The following DYRK4 variants were observed in gnomAD, a reference collection of about 807,000 sequenced individuals.
The protein encoded by DYRK4 is dual specificity tyrosine-phosphorylation-regulated kinase 4.
In DYRK4, 64 loss-of-function variants were observed where a neutral mutation model predicts 68.3. That is an observed-to-expected ratio of 0.94 (90% CI 0.77 to 1.15). The LOEUF (loss-of-function observed/expected upper bound fraction) is 1.15. Among genes scored for constraint, DYRK4 ranks in the 50% most tolerant of loss-of-function variants. The pLI, the probability that DYRK4 is intolerant of heterozygous loss-of-function variation, is 0.00. For synonymous variants in DYRK4, 274 were observed against 289.9 expected (o/e 0.95, Z 0.56); for missense variants, 740 against 764.7 (o/e 0.97, Z 0.38).
rs1201244325 is a variant in DYRK4, at chr12:4,605,198, T to G, written c.1299+112T>G. The G allele has an allele frequency of 3.1e-6, 3 of 957,958 alleles. No homozygotes were observed. In the East Asian group the frequency reaches 8.1e-5, roughly 26 times the overall value. The allele number at this position is 957,958 out of a possible 1,614,324, so 59.3% of individuals were successfully genotyped here. A position where few individuals can be genotyped will look rare whatever the true frequency, so the allele number is the denominator to read the frequency against. On this transcript the variant is annotated intron_variant, in intron 11 of 14. Coordinates refer to ENST00000543431, the MANE Select transcript of DYRK4 (RefSeq NM_001394779.1). Reference sequence around the variant, plus strand: ...TGGCCTGCATACCTTGTTGTTGTTGTTGTTGTTGAGTATTCCCTAAAAGGA... The same window carrying G: ...TGGCCTGCATACCTTGTTGTTGTTGGTGTTGTTGAGTATTCCCTAAAAGGA...
chr12:4,608,483 G>GT (rs1279873170), intron 12 of DYRK4, among the ~76,000 whole-genome samples: 1 of 152,144 alleles, frequency 6.6e-6, no homozygotes, highest in African/African-American at 2.4e-5. Context: ...GGATAAAAGG[G>GT]TTTGGGTCAT....
At position 4,612,543 on chromosome 12, in the gene DYRK4, A is replaced by G. The variant is rs1945234579; in HGVS notation, c.1491A>G (p.Val497=). The G allele has an allele frequency of 6.2e-7, 1 of 1,613,790 alleles. No homozygotes were observed. The highest frequency in any genetic ancestry group is 1.7e-5 in the Admixed American group (1 of 59,988). The change falls in exon 14 of 15, where the codon GTA becomes GTG. Residue 497 remains valine, a splice_region_variant and synonymous_variant. Coordinates refer to ENST00000543431, the MANE Select transcript of DYRK4 (RefSeq NM_001394779.1). ...CATGTGGGGCTTTGTTGGGGTGCAG[A>G]TGGGAACCTTCTCTTCGCATGACCC... ...SFLDFLRRCL[V]WEPSLRMTPD... is the part of the protein sequence containing the mutation.
chr12:4,603,292 C>T, intron 10 of DYRK4: 1 of 891,928 alleles, frequency 1.1e-6, no homozygotes, highest in Non-Finnish European at 1.8e-6. Flanking sequence ...TCTCTTCCTT[C>T]TCACAAGCCA....
chr12:4,594,147 T>C (rs1330046240), intron 6 of DYRK4, among the ~76,000 whole-genome samples: 2 of 152,190 alleles, frequency 1.3e-5, no homozygotes, highest in African/African-American at 4.8e-5. Context: ...ATAAAAGCTA[T>C]AGGTCCTCAT....
At chr12:4,610,986 T>G (rs2074501069) in intron 13 of DYRK4, among the ~76,000 whole-genome samples, 1 of 152,254 alleles carries the variant, frequency 6.6e-6, no homozygotes, top group Non-Finnish European at 1.5e-5. Flanking sequence ...ATTATCCATG[T>G]GATACTTGGC....
At chr12:4,593,763 C>G (rs757598513) in intron 6 of DYRK4, among the ~76,000 whole-genome samples, 2 of 152,198 alleles carry the variant, frequency 1.3e-5, no homozygotes, top group South Asian at 4.1e-4. Context: ...CAGGGCTGAG[C>G]ATGTTGGGAT....
chr12:4,575,594 C>T (rs1457935136), intron 2 of DYRK4, among the ~76,000 whole-genome samples: 2 of 152,082 alleles, frequency 1.3e-5, no homozygotes, highest in Non-Finnish European at 2.9e-5. Context: ...CAGGCATGAG[C>T]CACCGTGCCC....
At chr12:4,571,331 C>A (rs1944728354) in intron 2 of DYRK4, among the ~76,000 whole-genome samples, 1 of 152,252 alleles carries the variant, frequency 6.6e-6, no homozygotes, top group Non-Finnish European at 1.5e-5. Flanking sequence ...TCCTTTCAAT[C>A]ATTCATTTGC....
chr12:4,596,763 TG>T, intron 8 of DYRK4, 34 bp downstream of exon 8: 1 of 1,610,320 alleles, frequency 6.2e-7, no homozygotes, highest in Non-Finnish European at 8.5e-7. Flanking sequence ...TCATTTTCTC[TG>T]GAAAAGTTAC....
At chr12:4,605,755 T>C (rs200924375) in intron 11 of DYRK4, among the ~76,000 whole-genome samples, 6 of 102,302 alleles carry the variant, frequency 5.9e-5, no homozygotes, top group Admixed American at 1.1e-4. Context: ...TTTTTTTTTT[T>C]CCAAATTAAT....
At chr12:4,590,968 A>G (rs748574757) in intron 4 of DYRK4, 192 bp from the exon 5 acceptor site, 1 of 649,270 alleles carries the variant, frequency 1.5e-6, no homozygotes, top group Non-Finnish European at 2.6e-6. Flanking sequence ...CCCCAGGAAT[A>G]GTGTCAGTCA....
At chr12:4,612,440 A>T in intron 13 of DYRK4, 103 bp from the exon 14 acceptor site, 1 of 1,245,348 alleles carries the variant, frequency 8.0e-7, no homozygotes, top group Non-Finnish European at 1.1e-6. Flanking sequence ...TCTTTGAGAT[A>T]TCAACATAGC....
At chr12:4,566,786 T>G (rs1364886285) in intron 1 of DYRK4, among the ~76,000 whole-genome samples, 1 of 152,196 alleles carries the variant, frequency 6.6e-6, no homozygotes, top group Non-Finnish European at 1.5e-5. Context: ...TGTGCAGGAT[T>G]TTTTCATATT....
intron 8 of DYRK4, chr12:4,597,239 G>C: frequency 1.4e-6 from 1 of 734,826 alleles, no homozygotes; most frequent in Non-Finnish European, 1.7e-6. Context: ...GAATATTGGA[G>C]CTGACAAGGC....
At chr12:4,601,572 T>C (rs147521392) in intron 10 of DYRK4, among the ~76,000 whole-genome samples, 3 of 152,140 alleles carry the variant, frequency 2.0e-5, no homozygotes, top group Non-Finnish European at 4.4e-5. Flanking sequence ...GAAAAAAAAC[T>C]GAATAATGAA....
At chr12:4,596,922 C>A (rs1945024557) in intron 8 of DYRK4, 193 bp downstream of exon 8, 8 of 1,430,490 alleles carry the variant, frequency 5.6e-6, no homozygotes, top group Non-Finnish European at 7.3e-6. Context: ...GTATGCCTGT[C>A]ACCTGCCAGC....
chr12:4,579,357 G>A (rs1944818842), intron 2 of DYRK4, among the ~76,000 whole-genome samples: 1 of 152,040 alleles, frequency 6.6e-6, no homozygotes, highest in African/African-American at 2.4e-5. Context: ...GTGACACTGA[G>A]GCATGGGAGT....
chr12:4,562,519 A>G (rs895033093), intron 1 of DYRK4, among the ~76,000 whole-genome samples: 2 of 152,224 alleles, frequency 1.3e-5, no homozygotes. Context: ...CTTCCATGTT[A>G]AGATGCTGTC....
chr12:4,602,484 C>G lies in DYRK4; in HGVS notation c.1127-2430C>G. 9 of 1,307,620 alleles carry G rather than the reference C, an allele frequency of 6.9e-6. No individual in the cohort carries two copies. The South Asian group carries it at 1.1e-4, about 15-fold the overall frequency. The allele number at this position is 1,307,620 out of a possible 1,614,324, so 81.0% of individuals were successfully genotyped here. A position where few individuals can be genotyped will look rare whatever the true frequency, so the allele number is the denominator to read the frequency against. ...TTCCCTTTACTTCGATCTGAGATGGCAGCAGAGCTTGGACAAGTCTTGCGG... is the reference window on the plus strand; with the variant it reads ...TTCCCTTTACTTCGATCTGAGATGGGAGCAGAGCTTGGACAAGTCTTGCGG... On this transcript the variant is annotated intron_variant, in intron 10 of 14. Transcript: ENST00000543431.
Sources: gnomAD v4.1 joint callset for allele counts (sites outside exome capture counted in the v4.1 genomes callset) on GRCh38, gnomAD v4.1.1 for gene constraint, MANE v1.5 for transcripts, NCBI Gene and HGNC (gene_info 2026-07-23, HGNC 2026-07-21) for gene names.